PPM1G: variants seen among roughly 807,000 people sequenced by gnomAD.
The protein encoded by PPM1G is protein phosphatase, Mg2+/Mn2+ dependent 1G.
In PPM1G, 12 loss-of-function variants were observed where a neutral mutation model predicts 59.4. The ratio of observed to expected loss-of-function variants is 0.20; its 90% confidence interval spans 0.13 to 0.33. The LOEUF is 0.33. Among genes scored for constraint, PPM1G ranks in the 10% least tolerant of loss-of-function variants. The pLI is 1.00. For synonymous variants in PPM1G, 245 were observed against 251.9 expected (o/e 0.97, Z 0.26); for missense variants, 392 against 681.3 (o/e 0.58, Z 4.73).
rs1032621622 is a variant in PPM1G at position 27,409,369 on chromosome 2, G to A, written c.54C>T (p.Val18=). 1.2e-5 allele frequency: 18 copies of A among 1,541,546 alleles called. No homozygotes were observed. Among genetic ancestry groups the A allele is most frequent in the Non-Finnish European group, 1.5e-5 (17 of 1,143,422 alleles). Residue 18 remains valine (V), a synonymous_variant, in exon 1 of 10, where the codon GTC becomes GTT. Coordinates refer to ENST00000344034, the MANE Select transcript of PPM1G (RefSeq NM_177983.3). Reference sequence around the variant, plus strand: ...AGGGCAGCGGCAGGCGCGGGGCGCCGACCCCGTCCCCGGAGCACTTCACCG... The same window carrying A: ...AGGGCAGCGGCAGGCGCGGGGCGCCAACCCCGTCCCCGGAGCACTTCACCG... ...PNTVKCSGDG[V]GAPRLPLPYG...
chr2:27,406,165 A>G (rs1663356811), intron 1 of PPM1G, among the ~76,000 whole-genome samples: 1 of 152,190 alleles, frequency 6.6e-6, no homozygotes, highest in Admixed American at 6.6e-5. Flanking sequence ...GCATGTCAAC[A>G]ACCTTTAGTG....
chr2:27,382,727 G>A lies in PPM1G; in HGVS notation c.1202-122C>T, dbSNP rs1400452588. On this transcript the variant is annotated intron_variant, in intron 7 of 9. Transcript: ENST00000344034. The surrounding 1 kb of genome is among the most constrained non-coding windows in gnomAD (Gnocchi z 4.2). ...AAGTTCCATAATCTAGTGGAATGGG[G>A]AACTGAGTCCTAAGTCCTAGTTTTT... 13 of 1,280,514 alleles carry A rather than the reference G, an allele frequency of 1.0e-5. No homozygotes were observed. The highest frequency in any genetic ancestry group is 2.0e-4 in the Middle Eastern group (1 of 4,982). The allele number at this position is 1,280,514 out of a possible 1,614,324, so 79.3% of individuals were successfully genotyped here. A position where few individuals can be genotyped will look rare whatever the true frequency, so the allele number is the denominator to read the frequency against.
At chr2:27,393,009 T>G in intron 1 of PPM1G, 2 of 1,504,842 alleles carry the variant, frequency 1.3e-6, no homozygotes, top group South Asian at 2.2e-5. Flanking sequence ...GATTCACATT[T>G]TTTTCCAAAT....
intron 1 of PPM1G, among the ~76,000 whole-genome samples, chr2:27,400,687 G>C (rs1406487995): frequency 6.6e-6 from 1 of 152,204 alleles, no homozygotes; most frequent in Admixed American, 6.5e-5. Flanking sequence ...GAATTGTTAA[G>C]TCATTAATTT....
rs576119388 is a variant in PPM1G at position 27,382,242 on chromosome 2, C to G, written c.1332-14G>C. The G allele has an allele frequency of 2.4e-5, 38 of 1,611,910 alleles. 1 individual carries two copies. Among genetic ancestry groups the G allele is most frequent in the African/African-American group, 1.9e-4 (14 of 75,000 alleles). On this transcript the variant is annotated splice_polypyrimidine_tract_variant and intron_variant, in intron 8 of 9. Coordinates refer to ENST00000344034, the MANE Select transcript of PPM1G (RefSeq NM_177983.3). This position sits in a 1 kb window ranked among gnomAD's most constrained non-coding sequence, Gnocchi z 4.2. The stretch of plus-strand genomic sequence containing the variant: ...CTCATCACATTCCTGGGGTCAAGAA[C>G]AACAGTCAGAATCTTCCAGTCTCAC...
intron 1 of PPM1G, among the ~76,000 whole-genome samples, chr2:27,394,172 C>A (rs1050598414): frequency 6.6e-6 from 1 of 152,134 alleles, no homozygotes; most frequent in African/African-American, 2.4e-5. Flanking sequence ...GCTGGGATTA[C>A]AGGTGTGAGC....
At chr2:27,395,422 A>C (rs1344431244) in intron 1 of PPM1G, among the ~76,000 whole-genome samples, 4 of 151,726 alleles carry the variant, frequency 2.6e-5, no homozygotes, top group African/African-American at 9.7e-5. Context: ...CCAGCTTCTC[A>C]GGAGGCTGGG....
rs142026887 is a variant in PPM1G, at chr2:27,399,146, A to AAAC, written c.120+10154_120+10156dup. ...TCAGAGCAAGACTGTCCCCCGACCA[A>AAAC]AACAACAACAACAACAACAACAACA... On this transcript the variant is annotated intron_variant, in intron 1 of 9. Transcript: ENST00000344034. 9.9e-3 allele frequency among the ~76,000 whole-genome samples: 1,485 copies of AAAC among 150,464 alleles called. 21 individuals are homozygous for AAAC. The highest frequency in any genetic ancestry group is 0.033 in the African/African-American group (1,345 of 40,756).
In PPM1G at chr2:27,384,845, G is replaced by A. The variant is rs139203531; in HGVS notation, c.653C>T (p.Ser218Leu). 37 of 1,614,108 alleles carry A rather than the reference G, an allele frequency of 2.3e-5. No individual in the cohort carries two copies. The African/African-American group carries it at 3.7e-4, about 16-fold the overall frequency. The change falls in exon 5 of 10, where the codon TCG becomes TTG. Residue 218 changes from serine (S) to leucine (L), a missense_variant. Transcript: ENST00000344034. The surrounding 1 kb of genome is among the most constrained non-coding windows in gnomAD (Gnocchi z 4.8). ...TTGGCCTGCCTCAGTCCCACGTTCC[G>A]AGTTGGAGGAAAAGCCTGTGTAGGC... ...AKAYTGFSSN[S>L]ERGTEAGQVG...
chr2:27,408,299 C>A (rs1340979632), intron 1 of PPM1G, among the ~76,000 whole-genome samples: 1 of 152,096 alleles, frequency 6.6e-6, no homozygotes, highest in Non-Finnish European at 1.5e-5. Context: ...GGTGGAGAAA[C>A]CCTCAATACC....
rs147058083 is a variant in PPM1G at position 27,384,043 on chromosome 2, T to C, written c.875A>G (p.Glu292Gly). 2 of 1,611,738 alleles carry C rather than the reference T, an allele frequency of 1.2e-6. No individual in the cohort carries two copies. The highest frequency in any genetic ancestry group is 2.7e-5 in the African/African-American group (2 of 74,870). ...CTCCTCGGTGTCATCCTCATCTTCC[T>C]CATTCTCTGCCTCCTCACTGCTGTA... ...DGYSSEEAEN[E>G]EDEDDTEEAE... Residue 292 changes from glutamate (E) to glycine (G), a missense_variant, in exon 6 of 10, where the codon GAG becomes GGG. Physicochemically the swap from Glu to Gly is moderately conservative, Grantham distance 98 (BLOSUM62 -2). This residue lies in a region of PPM1G where 188 missense variants were observed against 248.8 expected (regional missense o/e 0.76). Transcript: ENST00000344034. The surrounding 1 kb of genome is among the most constrained non-coding windows in gnomAD (Gnocchi z 4.8).
At chr2:27,408,056 A>T (rs1490713824) in intron 1 of PPM1G, among the ~76,000 whole-genome samples, 1 of 152,196 alleles carries the variant, frequency 6.6e-6, no homozygotes, top group Non-Finnish European at 1.5e-5. Flanking sequence ...TCAAAAAAAA[A>T]AAAAGGGAGC....
Position 27,385,463 on chromosome 2 carries a change from G to A in PPM1G, c.409+284C>T. The A allele has an allele frequency of 2.3e-6, 1 of 435,900 alleles. No homozygotes were observed. The highest frequency in any genetic ancestry group is 4.0e-6 in the Non-Finnish European group (1 of 249,554). The allele number at this position is 435,900 out of a possible 1,614,324, so 27.0% of individuals were successfully genotyped here. A position where few individuals can be genotyped will look rare whatever the true frequency, so the allele number is the denominator to read the frequency against. On this transcript the variant is annotated intron_variant, in intron 4 of 9. Transcript: ENST00000344034. This position sits in a 1 kb window ranked among gnomAD's most constrained non-coding sequence, Gnocchi z 4.1. The stretch of plus-strand genomic sequence containing the variant: ...GGGCTAATAACTGCTCCAGTCTTGA[G>A]GGGAAAAAAAAGCACATAAATACTA...
At chr2:27,407,444 T>C (rs561375600) in intron 1 of PPM1G, among the ~76,000 whole-genome samples, 1 of 151,724 alleles carries the variant, frequency 6.6e-6, no homozygotes, top group African/African-American at 2.4e-5. Context: ...TTTTGTATTT[T>C]TTGTAGAGAC....
At position 27,392,814 on chromosome 2, in the gene PPM1G, G is replaced by A. The variant is rs576223181; in HGVS notation, c.121-5656C>T. The stretch of plus-strand genomic sequence containing the variant: ...TTTCATTATCACTGTCTCCCAGGGT[G>A]TGCTTGTCAAAGAGGTATTCTGCCA... On this transcript the variant is annotated intron_variant, in intron 1 of 9. Coordinates refer to ENST00000344034, the MANE Select transcript of PPM1G (RefSeq NM_177983.3). The A allele has an allele frequency of 1.2e-3, 1,831 of 1,494,348 alleles. 1 individual carries two copies. Among genetic ancestry groups the A allele is most frequent in the Admixed American group, 1.6e-3 (95 of 59,836 alleles). 92.6% of individuals were successfully genotyped at this position (1,494,348 alleles called of 1,614,324 possible).
At position 27,382,236 on chromosome 2, in the gene PPM1G, C is replaced by G. The variant is rs764011453; in HGVS notation, c.1332-8G>C. 2 of 1,612,824 alleles carry G rather than the reference C, an allele frequency of 1.2e-6. No individual in the cohort carries two copies. Among genetic ancestry groups the G allele is most frequent in the Admixed American group, 3.3e-5 (2 of 60,022 alleles). Reference sequence around the variant, plus strand: ...TGGCTGCTCATCACATTCCTGGGGTCAAGAACAACAGTCAGAATCTTCCAG... The same window carrying G: ...TGGCTGCTCATCACATTCCTGGGGTGAAGAACAACAGTCAGAATCTTCCAG... On this transcript the variant is annotated splice_polypyrimidine_tract_variant and splice_region_variant and intron_variant, in intron 8 of 9. Transcript: ENST00000344034. The surrounding 1 kb of genome is among the most constrained non-coding windows in gnomAD (Gnocchi z 4.2).
chr2:27,383,279 A>C lies in PPM1G; in HGVS notation c.1201+87T>G. 8.4e-7 allele frequency: 1 copy of C among 1,195,876 alleles called. No individual in the cohort carries two copies. The highest frequency in any genetic ancestry group is 1.2e-6 in the Non-Finnish European group (1 of 821,816). 74.1% of individuals were successfully genotyped at this position (1,195,876 alleles called of 1,614,324 possible). ...ATATTAAAGTGCTTTGAAAGGCACAAGCACTAGGAAGATTAAAGTTTGCTA... is the reference window on the plus strand; with the variant it reads ...ATATTAAAGTGCTTTGAAAGGCACACGCACTAGGAAGATTAAAGTTTGCTA... On this transcript the variant is annotated intron_variant, in intron 7 of 9. Transcript: ENST00000344034. The surrounding 1 kb of genome is among the most constrained non-coding windows in gnomAD (Gnocchi z 5.0).
chr2:27,409,399 G>A lies in PPM1G; in HGVS notation c.24C>T (p.Pro8=). The A allele has an allele frequency of 6.5e-7, 1 of 1,533,640 alleles. No individual in the cohort carries two copies. The highest frequency in any genetic ancestry group is 2.0e-5 in the Admixed American group (1 of 49,850). Residue 8 remains proline, a synonymous_variant, in exon 1 of 10, where the codon CCC becomes CCT. Coordinates refer to ENST00000344034, the MANE Select transcript of PPM1G (RefSeq NM_177983.3). MGAYLSQ[P]NTVKCSGDGV... is the part of the protein sequence containing the mutation. ...CGTCCCCGGAGCACTTCACCGTGTTGGGCTGGGAGAGGTAGGCACCCATGG... is the reference window on the plus strand; with the variant it reads ...CGTCCCCGGAGCACTTCACCGTGTTAGGCTGGGAGAGGTAGGCACCCATGG...
rs770495182 is a variant in PPM1G, at chr2:27,392,853, C to G, written c.121-5695G>C. 20 of 1,471,470 alleles carry G rather than the reference C, an allele frequency of 1.4e-5. No individual in the cohort carries two copies. In the South Asian group the frequency reaches 1.7e-4, roughly 12 times the overall value. 91.2% of individuals were successfully genotyped at this position (1,471,470 alleles called of 1,614,324 possible). A position where few individuals can be genotyped will look rare whatever the true frequency, so the allele number is the denominator to read the frequency against. On this transcript the variant is annotated intron_variant, in intron 1 of 9. Transcript: ENST00000344034. ...GGTATTCTGCCACGCCAGATTCGGG[C>G]GCTCCCATCTCGTGCATGTTGGTCA...
Sources: gnomAD v4.1 joint callset for allele counts (sites outside exome capture counted in the v4.1 genomes callset) on GRCh38, gnomAD v4.1.1 for gene constraint, gnomAD v4.1.1 regional missense constraint, Gnocchi (gnomAD v3.1) non-coding constraint, MANE v1.5 for transcripts, NCBI Gene and HGNC (gene_info 2026-07-23, HGNC 2026-07-21) for gene names.